CAB39: variants seen among roughly 807,000 people sequenced by gnomAD.
The protein encoded by CAB39 is calcium binding protein 39, also known as calcium-binding protein 39.
In CAB39, 8 loss-of-function variants were observed where a neutral mutation model predicts 40.0. The ratio of observed to expected loss-of-function variants is 0.20; its 90% confidence interval spans 0.12 to 0.36. The LOEUF (loss-of-function observed/expected upper bound fraction) is 0.36. CAB39 is among the 10% of genes least tolerant of loss of function. CAB39 has a pLI of 1.00. For synonymous variants in CAB39, 156 were observed against 141.6 expected, an observed-to-expected ratio of 1.10 and a Z score of -0.72; for missense variants, 270 against 401.1, an observed-to-expected ratio of 0.67 and a Z score of 2.79.
chr2:230,772,996 A>C (rs1419827731), intron 2 of CAB39, among the ~76,000 whole-genome samples: 1 of 151,948 alleles, frequency 6.6e-6, no homozygotes, highest in Non-Finnish European at 1.5e-5. Context: ...AAAAAAAAAA[A>C]AAAAAAACTA....
intron 1 of CAB39, among the ~76,000 whole-genome samples, chr2:230,751,525 C>G (rs1695085379): frequency 6.6e-6 from 1 of 152,164 alleles, no homozygotes; most frequent in Non-Finnish European, 1.5e-5. Context: ...GAGTGTGTCA[C>G]ATAACGCAAA....
chr2:230,740,519 C>T (rs539322897), intron 1 of CAB39, among the ~76,000 whole-genome samples: 1 of 152,148 alleles, frequency 6.6e-6, no homozygotes, highest in Non-Finnish European at 1.5e-5. Context: ...GCATGAGGGA[C>T]CAGTTTCGTG....
Position 230,819,757 on chromosome 2 carries a change from A to G in CAB39, c.*1053A>G, listed in dbSNP as rs1372811114. ...ACAGCCCTGGAGCTCAGTCAGCCACACCTTCCTGCATCCTATTGGCCTTAT... is the reference window on the plus strand; with the variant it reads ...ACAGCCCTGGAGCTCAGTCAGCCACGCCTTCCTGCATCCTATTGGCCTTAT... On this transcript the variant is annotated 3_prime_UTR_variant, in exon 9 of 9. Coordinates refer to ENST00000258418, the MANE Select transcript of CAB39 (RefSeq NM_016289.4). The G allele has an allele frequency of 6.6e-6, 1 of 152,274 alleles. No individual in the cohort carries two copies. Among genetic ancestry groups the G allele is most frequent in the Non-Finnish European group, 1.5e-5 (1 of 68,048 alleles). The allele number at this position is 152,274 out of a possible 1,614,324, so 9.4% of individuals were successfully genotyped here.
chr2:230,772,678 G>A (rs1242035068), intron 2 of CAB39, among the ~76,000 whole-genome samples: 1 of 151,786 alleles, frequency 6.6e-6, no homozygotes, highest in African/African-American at 2.4e-5. Context: ...GTAGAGACGG[G>A]GTTTCACCGT....
chr2:230,777,616 C>G (rs1317035193), intron 2 of CAB39, among the ~76,000 whole-genome samples: 1 of 152,006 alleles, frequency 6.6e-6, no homozygotes, highest in East Asian at 1.9e-4. Flanking sequence ...CCATGTTGGC[C>G]AGGCTGGTCT....
At chr2:230,815,151 A>G (rs1192253203) in intron 7 of CAB39, among the ~76,000 whole-genome samples, 2 of 152,248 alleles carry the variant, frequency 1.3e-5, no homozygotes, top group African/African-American at 2.4e-5. Context: ...CACATTTTCA[A>G]TCAGCACTTT....
At chr2:230,776,267 T>C (rs918316074) in intron 2 of CAB39, among the ~76,000 whole-genome samples, 3 of 152,208 alleles carry the variant, frequency 2.0e-5, no homozygotes, top group Non-Finnish European at 4.4e-5. Flanking sequence ...TTGTTTTGTT[T>C]ATTTTGAAAT....
intron 1 of CAB39, among the ~76,000 whole-genome samples, chr2:230,731,505 T>A (rs1447154015): frequency 6.6e-6 from 1 of 152,238 alleles, no homozygotes; most frequent in Non-Finnish European, 1.5e-5. Context: ...GATTTTATGC[T>A]TCAAAATACT....
chr2:230,774,311 G>GT (rs1396117466), intron 2 of CAB39, among the ~76,000 whole-genome samples: 4 of 152,036 alleles, frequency 2.6e-5, no homozygotes, highest in Non-Finnish European at 5.9e-5. Flanking sequence ...ATTTGTATTT[G>GT]TTTTATATGG....
chr2:230,755,622 C>T (rs1695175553), intron 1 of CAB39, among the ~76,000 whole-genome samples: 1 of 152,070 alleles, frequency 6.6e-6, no homozygotes, highest in African/African-American at 2.4e-5. Flanking sequence ...TGTTCTTTTG[C>T]CATGCAAAAG....
At chr2:230,768,238 A>T (rs1182804974) in intron 2 of CAB39, among the ~76,000 whole-genome samples, 1 of 152,180 alleles carries the variant, frequency 6.6e-6, no homozygotes, top group Non-Finnish European at 1.5e-5. Flanking sequence ...GACTGAGGAG[A>T]GAGTACCATA....
At chr2:230,805,068 T>TA (rs60822233) in intron 5 of CAB39, among the ~76,000 whole-genome samples, 22,512 of 152,020 alleles carry the variant, frequency 0.15, 2,491 homozygotes, top group African/African-American at 0.32. Context: ...TATGCAGCCT[T>TA]AAAAAAGGAT....
intron 6 of CAB39, among the ~76,000 whole-genome samples, chr2:230,813,252 G>A (rs963832826): frequency 2.0e-5 from 3 of 152,176 alleles, no homozygotes; most frequent in Non-Finnish European, 4.4e-5. Context: ...CTGTCATTTC[G>A]GTTTTGTAAC....
intron 1 of CAB39, chr2:230,725,299 C>A: frequency 6.4e-7 from 1 of 1,573,652 alleles, no homozygotes; most frequent in Admixed American, 1.7e-5. Flanking sequence ...AGCCCCTTTC[C>A]TCCAGCTTCT....
chr2:230,766,180 A>C (rs1048023024), intron 2 of CAB39, among the ~76,000 whole-genome samples: 2 of 152,210 alleles, frequency 1.3e-5, no homozygotes, highest in Non-Finnish European at 2.9e-5. Context: ...GTCATACTGA[A>C]AATCTGATGA....
intron 1 of CAB39, chr2:230,725,271 C>T: frequency 6.3e-7 from 1 of 1,578,354 alleles, no homozygotes; most frequent in Non-Finnish European, 8.7e-7. Context: ...TGGCCAAGGA[C>T]AACGTAGGCC....
chr2:230,741,779 A>G (rs990448278), intron 1 of CAB39, among the ~76,000 whole-genome samples: 10 of 152,258 alleles, frequency 6.6e-5, no homozygotes, highest in African/African-American at 2.4e-4. Flanking sequence ...GTAATGTTAT[A>G]CTTATTCAAC....
intron 7 of CAB39, among the ~76,000 whole-genome samples, chr2:230,817,548 T>C (rs6727167): frequency 0.39 from 58,644 of 151,766 alleles, 15,257 homozygotes; most frequent in African/African-American, 0.75. Flanking sequence ...CCCGTAGACT[T>C]CATCTCTCAG....
At chr2:230,801,971 T>A (rs896093762) in intron 5 of CAB39, among the ~76,000 whole-genome samples, 1 of 152,128 alleles carries the variant, frequency 6.6e-6, no homozygotes, top group African/African-American at 2.4e-5. Context: ...TTTTTTTTCT[T>A]TTTTGAGGAA....
Sources: allele counts gnomAD v4.1 joint callset (sites outside exome capture counted in the v4.1 genomes callset), GRCh38; gene constraint gnomAD v4.1.1; transcripts MANE v1.5; gene names NCBI Gene and HGNC (gene_info 2026-07-23, HGNC 2026-07-21).